Variants in STARD13 observed in about 807,000 individuals in gnomAD.
STARD13 encodes stAR-related lipid transfer protein 13.
A neutral mutation model predicts 106.4 loss-of-function variants in STARD13; 62 were observed. The observed-to-expected ratio is 0.58, with a 90% confidence interval of 0.48 to 0.72. The LOEUF (loss-of-function observed/expected upper bound fraction) is 0.72. Ranked by LOEUF, STARD13 falls within the 30% of genes least tolerant of loss-of-function variation. The pLI is 0.00. For synonymous variants in STARD13, 565 were observed against 553.0 expected (o/e 1.02, Z -0.31); for missense variants, 1,387 against 1,424.0 (o/e 0.97, Z 0.42).
the STARD13 span, among the ~76,000 whole-genome samples, chr13:33,368,739 G>C: frequency 1.3e-5 from 2 of 152,150 alleles, no homozygotes; most frequent in African/African-American, 4.8e-5. Context: ...AAACAAGGTG[G>C]TGGCTGCGGA....
At chr13:33,118,303 T>G in intron 7 of STARD13, 40 bp from the exon 8 acceptor site, 1 of 1,579,214 alleles carries the variant, frequency 6.3e-7, no homozygotes, top group Non-Finnish European at 8.7e-7. Context: ...CAGGCCACAC[T>G]TGGTTGTGAG....
chr13:33,480,739 C>A, the STARD13 span, among the ~76,000 whole-genome samples: 1 of 152,068 alleles, frequency 6.6e-6, no homozygotes, highest in Non-Finnish European at 1.5e-5. Flanking sequence ...GGCTTAGAAA[C>A]AATGACTAGT....
At chr13:33,412,601 C>T in the STARD13 span, among the ~76,000 whole-genome samples, 2 of 151,946 alleles carry the variant, frequency 1.3e-5, no homozygotes, top group African/African-American at 4.8e-5. Flanking sequence ...TATAACGATA[C>T]AGGCAGGTTG....
the STARD13 span, among the ~76,000 whole-genome samples, chr13:33,491,549 G>A: frequency 2.0e-5 from 3 of 152,146 alleles, no homozygotes; most frequent in African/African-American, 7.2e-5. Flanking sequence ...CTTGGGGGTT[G>A]AAAAGAAAGT....
At chr13:33,667,757 T>G in the STARD13 span, among the ~76,000 whole-genome samples, 40 of 152,358 alleles carry the variant, frequency 2.6e-4, no homozygotes, top group African/African-American at 9.4e-4. Context: ...TTTCATGTGG[T>G]CTGTTACAAA....
chr13:33,480,404 G>A, the STARD13 span, among the ~76,000 whole-genome samples: 4 of 152,176 alleles, frequency 2.6e-5, no homozygotes, highest in Non-Finnish European at 5.9e-5. Context: ...CAGAGAAGAA[G>A]TTGGTGTGAT....
At chr13:33,318,373 T>C (rs1158217888) in intron 1 of STARD13, among the ~76,000 whole-genome samples, 1 of 152,150 alleles carries the variant, frequency 6.6e-6, no homozygotes, top group Non-Finnish European at 1.5e-5. Flanking sequence ...GGCAATTAGA[T>C]ATCCACATGC....
the STARD13 span, among the ~76,000 whole-genome samples, chr13:33,588,053 C>T: frequency 2.0e-5 from 3 of 152,080 alleles, no homozygotes; most frequent in East Asian, 5.8e-4. Context: ...TTAGAGAATT[C>T]TCCTAAATCT....
intron 1 of STARD13, among the ~76,000 whole-genome samples, chr13:33,197,936 C>T (rs766037074): frequency 4.6e-5 from 7 of 152,100 alleles, no homozygotes; most frequent in East Asian, 1.9e-4. Flanking sequence ...TTTAGGAGGC[C>T]GAGATGGGCG....
the STARD13 span, among the ~76,000 whole-genome samples, chr13:33,617,354 AG>A: frequency 1.3e-5 from 2 of 152,194 alleles, no homozygotes; most frequent in South Asian, 4.1e-4. Context: ...CACAGCAAAG[AG>A]GTGATATCTG....
At chr13:33,600,618 A>G in the STARD13 span, among the ~76,000 whole-genome samples, 1 of 152,222 alleles carries the variant, frequency 6.6e-6, no homozygotes, top group African/African-American at 2.4e-5. Flanking sequence ...ATTTGTTAAT[A>G]TTTCTGCAGG....
intron 1 of STARD13, among the ~76,000 whole-genome samples, chr13:33,266,086 G>T (rs1433143882): frequency 2.0e-5 from 3 of 152,180 alleles, no homozygotes; most frequent in African/African-American, 7.2e-5. Context: ...AGCAGCAGAA[G>T]CAACAACCAC....
In STARD13 at chr13:33,111,765, G is replaced by A. The variant is rs377335428; in HGVS notation, c.2607+13C>T. On this transcript the variant is annotated intron_variant, in intron 10 of 13. Coordinates refer to ENST00000336934, the MANE Select transcript of STARD13 (RefSeq NM_178006.4). The stretch of plus-strand genomic sequence containing the variant: ...AGCTACTAGGGAGGCGGAGGTTCGA[G>A]CCTTTTGCTCACCTCAAAAAGTCTG... 6.4e-7 allele frequency: 1 copy of A among 1,574,732 alleles called. No homozygotes were observed. Among genetic ancestry groups the A allele is most frequent in the African/African-American group, 1.3e-5 (1 of 74,090 alleles).
rs1314921322 is a variant in STARD13 at position 33,130,272 on chromosome 13, C to T, written c.405G>A (p.Glu135=). The change falls in exon 5 of 14, where the codon GAG becomes GAA. Residue 135 remains glutamate, a synonymous_variant. Coordinates refer to ENST00000336934, the MANE Select transcript of STARD13 (RefSeq NM_178006.4). The surrounding 1 kb of genome is among the most constrained non-coding windows in gnomAD (Gnocchi z 4.1). ...FQRKKGDDSD[E]EDLCISNKWT... ...ATTTGTTGCTGATACAAAGATCTTCCTCATCGGAGTCGTCACCCTGCAGAG... is the reference window on the plus strand; with the variant it reads ...ATTTGTTGCTGATACAAAGATCTTCTTCATCGGAGTCGTCACCCTGCAGAG... 1.2e-6 allele frequency: 2 copies of T among 1,601,952 alleles called. No homozygotes were observed. Among genetic ancestry groups the T allele is most frequent in the African/African-American group, 2.7e-5 (2 of 74,922 alleles).
chr13:33,286,488 T>A (rs1188511066), upstream of STARD13, among the ~76,000 whole-genome samples: 1 of 152,182 alleles, frequency 6.6e-6, no homozygotes, highest in Non-Finnish European at 1.5e-5. Flanking sequence ...AGACACTGAA[T>A]CATTTAAGAC....
intron 3 of STARD13, among the ~76,000 whole-genome samples, chr13:33,143,598 G>A (rs1880133622): frequency 6.6e-6 from 1 of 152,182 alleles, no homozygotes; most frequent in Non-Finnish European, 1.5e-5. Context: ...TGTTGCTCAG[G>A]CTGGAGTGCA....
chr13:33,352,880 T>G (rs894704901), upstream of STARD13, among the ~76,000 whole-genome samples: 5 of 152,244 alleles, frequency 3.3e-5, no homozygotes, highest in African/African-American at 1.2e-4. Flanking sequence ...AAGTTGAACC[T>G]TAGGTAGCAT....
the STARD13 span, among the ~76,000 whole-genome samples, chr13:33,612,783 G>A: frequency 6.6e-6 from 1 of 152,174 alleles, no homozygotes; most frequent in Non-Finnish European, 1.5e-5. Flanking sequence ...AAATATCAGA[G>A]AATGGCAAAC....
At chr13:33,242,040 C>T (rs574576268) in intron 1 of STARD13, among the ~76,000 whole-genome samples, 1 of 152,222 alleles carries the variant, frequency 6.6e-6, no homozygotes, top group Admixed American at 6.5e-5. Flanking sequence ...CCCGCCGCCC[C>T]ATCTGGGATG....
Sources: gnomAD v4.1 joint callset for allele counts (sites outside exome capture counted in the v4.1 genomes callset) on GRCh38, gnomAD v4.1.1 for gene constraint, Gnocchi (gnomAD v3.1) non-coding constraint, MANE v1.5 for transcripts, NCBI Gene and HGNC (gene_info 2026-07-23, HGNC 2026-07-21) for gene names.